The following NPAS3 variants were observed in gnomAD, a reference collection of about 807,000 sequenced individuals.
The protein encoded by NPAS3 is neuronal PAS domain protein 3, also known as neuronal PAS domain-containing protein 3.
A neutral mutation model predicts 73.1 loss-of-function variants in NPAS3; 14 were observed. The observed-to-expected ratio is 0.19, with a 90% CI of 0.13 to 0.30. NPAS3 has a LOEUF of 0.30. NPAS3 is among the 10% of genes least tolerant of loss of function. The probability of loss-of-function intolerance (pLI) is 1.00; values close to 1 mark genes in which losing one functional copy is unlikely to be tolerated. For synonymous variants in NPAS3, 620 were observed against 541.5 expected (o/e 1.14, Z -2.01); for missense variants, 1,096 against 1,250.0 (o/e 0.88, Z 1.86).
At chr14:32,940,769 T>C (rs1213301244) in intron 1 of NPAS3, among the ~76,000 whole-genome samples, 1 of 152,206 alleles carries the variant, frequency 6.6e-6, no homozygotes, top group Admixed American at 6.5e-5. Context: ...AGACATCCAT[T>C]CATTTAAAAG....
At chr14:33,368,571 A>C (rs2045943600) in intron 4 of NPAS3, among the ~76,000 whole-genome samples, 1 of 152,204 alleles carries the variant, frequency 6.6e-6, no homozygotes, top group Non-Finnish European at 1.5e-5. Context: ...AGCCCTGAGA[A>C]GTCTTACTTT....
At chr14:33,193,758 T>C (rs946780893) in intron 2 of NPAS3, among the ~76,000 whole-genome samples, 4 of 152,216 alleles carry the variant, frequency 2.6e-5, no homozygotes, top group African/African-American at 9.6e-5. Context: ...ACCATCTCTG[T>C]GTTACAGTAA....
chr14:33,058,125 T>TAAA (rs11409227), intron 2 of NPAS3, among the ~76,000 whole-genome samples: 2 of 145,352 alleles, frequency 1.4e-5, no homozygotes, highest in African/African-American at 5.0e-5. Context: ...AAATGTATTG[T>TAAA]AAAAAAAAAA....
intron 2 of NPAS3, among the ~76,000 whole-genome samples, chr14:33,078,532 C>CAAAAAAAA (rs200285065): frequency 1.6e-5 from 1 of 63,344 alleles, no homozygotes. Flanking sequence ...AAAACAAAAC[C>CAAAAAAAA]AAAAAAAAAA....
intron 1 of NPAS3, among the ~76,000 whole-genome samples, chr14:32,957,991 A>G (rs1036779403): frequency 1.1e-4 from 16 of 152,146 alleles, no homozygotes; most frequent in African/African-American, 3.1e-4. Flanking sequence ...CTCAGTACAG[A>G]AAAGCTCCAG....
chr14:33,230,855 G>T (rs1365765756), intron 3 of NPAS3, among the ~76,000 whole-genome samples: 1 of 152,174 alleles, frequency 6.6e-6, no homozygotes, highest in Non-Finnish European at 1.5e-5. Context: ...TTTTGCTCCA[G>T]TCAGAATGCA....
intron 2 of NPAS3, among the ~76,000 whole-genome samples, chr14:33,107,394 C>A (rs1167691499): frequency 6.6e-6 from 1 of 152,032 alleles, no homozygotes; most frequent in Non-Finnish European, 1.5e-5. Flanking sequence ...GTTTTTCAAC[C>A]CTTACCCTCT....
chr14:32,993,445 A>G (rs1376530513), intron 1 of NPAS3, among the ~76,000 whole-genome samples: 1 of 152,204 alleles, frequency 6.6e-6, no homozygotes, highest in Admixed American at 6.5e-5. Flanking sequence ...ATACAATCAA[A>G]TTCCTTCCTT....
Position 33,615,906 on chromosome 14 carries a change from G to A in NPAS3, c.558+55696G>A, listed in dbSNP as rs774840552. Among the ~76,000 whole-genome samples, 8 of 152,114 alleles carry A rather than the reference G, an allele frequency of 5.3e-5. 1 individual carries two copies. The highest frequency in any genetic ancestry group is 1.3e-4 in the Admixed American group (2 of 15,270). On this transcript the variant is annotated intron_variant, in intron 5 of 11. Coordinates refer to ENST00000356141, the Ensembl canonical transcript of NPAS3. ...AGGCAAAAATGTTGCCCTATTTATGGCAGTACGTTCTTTGGCTTCTTGCAC... is the reference window on the plus strand; with the variant it reads ...AGGCAAAAATGTTGCCCTATTTATGACAGTACGTTCTTTGGCTTCTTGCAC...
chr14:33,323,691 G>A (rs2043562455), intron 3 of NPAS3, among the ~76,000 whole-genome samples: 1 of 152,222 alleles, frequency 6.6e-6, no homozygotes, highest in African/African-American at 2.4e-5. Context: ...GATTTCAAAA[G>A]CATGGGAACA....
chr14:33,109,865 G>A (rs1454480046), intron 2 of NPAS3, among the ~76,000 whole-genome samples: 1 of 133,968 alleles, frequency 7.5e-6, no homozygotes, highest in Non-Finnish European at 1.5e-5. Context: ...CTCCCAGGCT[G>A]GAGTGCACTT....
At chr14:33,670,074 A>G (rs979057359) in intron 5 of NPAS3, among the ~76,000 whole-genome samples, 16 of 151,894 alleles carry the variant, frequency 1.1e-4, no homozygotes, top group Admixed American at 6.6e-5. Flanking sequence ...TGCGGTTGCA[A>G]TTTTCAAGTC....
intron 5 of NPAS3, among the ~76,000 whole-genome samples, chr14:33,645,335 A>G (rs2058799296): frequency 6.6e-6 from 1 of 152,164 alleles, no homozygotes; most frequent in South Asian, 2.1e-4. Flanking sequence ...TTGCATATTA[A>G]CAAGCACAAC....
chr14:33,620,205 T>C (rs1399842039), intron 5 of NPAS3, among the ~76,000 whole-genome samples: 3 of 152,208 alleles, frequency 2.0e-5, no homozygotes, highest in African/African-American at 4.8e-5. Context: ...TAATTTAGTA[T>C]GTTGTAAATC....
At chr14:33,567,762 A>G (rs1294725968) in intron 5 of NPAS3, among the ~76,000 whole-genome samples, 1 of 152,184 alleles carries the variant, frequency 6.6e-6, no homozygotes, top group Non-Finnish European at 1.5e-5. Context: ...TTCTCTCCTC[A>G]TGCTTTCATC....
At chr14:33,440,115 CAAAAA>C (rs368527118) in intron 4 of NPAS3, among the ~76,000 whole-genome samples, 1 of 110,178 alleles carries the variant, frequency 9.1e-6, no homozygotes, top group African/African-American at 3.3e-5. Context: ...CAGTCTGTCT[CAAAAA>C]AAAAAAAAAA....
chr14:33,223,836 C>CAA (rs71118533), intron 3 of NPAS3, among the ~76,000 whole-genome samples: 6,409 of 148,872 alleles, frequency 0.043, 173 homozygotes, highest in Middle Eastern at 0.07. Context: ...AAATGTATGG[C>CAA]AAAAAAAAAA....
chr14:33,186,979 G>C (rs1326631624), intron 2 of NPAS3, among the ~76,000 whole-genome samples: 1 of 152,154 alleles, frequency 6.6e-6, no homozygotes, highest in Admixed American at 6.5e-5. Flanking sequence ...GAGTTAAACA[G>C]CCTAATATGT....
intron 5 of NPAS3, among the ~76,000 whole-genome samples, chr14:33,592,197 A>G (rs138014694): frequency 7.2e-5 from 11 of 152,298 alleles, no homozygotes; most frequent in Non-Finnish European, 1.3e-4. Flanking sequence ...TAGGAAAATT[A>G]TCTTCTGTAT....
Sources: allele counts gnomAD v4.1 joint callset (sites outside exome capture counted in the v4.1 genomes callset), GRCh38; gene constraint gnomAD v4.1.1; transcripts MANE v1.5; gene names NCBI Gene and HGNC (gene_info 2026-07-23, HGNC 2026-07-21).